Variants in LYN observed in about 807,000 individuals in gnomAD.
The protein encoded by LYN is tyrosine-protein kinase Lyn.
Under a neutral mutation model 65.0 loss-of-function variants are expected in LYN, and 12 were observed. The observed-to-expected ratio is 0.18, with a 90% CI of 0.12 to 0.30. The LOEUF (loss-of-function observed/expected upper bound fraction) is 0.30. Ranked by LOEUF, LYN falls within the 10% of genes least tolerant of loss-of-function variation. The pLI is 1.00. For synonymous variants in LYN, 222 were observed against 221.2 expected, an observed-to-expected ratio of 1.00 and a Z score of -0.03; for missense variants, 380 against 623.2, an observed-to-expected ratio of 0.61 and a Z score of 4.16.
Position 55,916,767 on chromosome 8 carries a change from A to C in LYN, c.-5-25088A>C, listed in dbSNP as rs146415366. Among the ~76,000 whole-genome samples, 97 of 152,306 alleles carry C rather than the reference A, an allele frequency of 6.4e-4. No individual in the cohort carries two copies. The Middle Eastern group carries it at 0.01, about 16-fold the overall frequency. ...ATGCCCAATACTGCAATGGCACCTT[A>C]GGCTGTGTGTGTGTCAGACAGAAAA... On this transcript the variant is annotated intron_variant, in intron 1 of 12. Coordinates refer to ENST00000519728, the MANE Select transcript of LYN (RefSeq NM_002350.4).
At chr8:55,948,118 C>T (rs546632874) in intron 4 of LYN, among the ~76,000 whole-genome samples, 1 of 152,254 alleles carries the variant, frequency 6.6e-6, no homozygotes, top group Non-Finnish European at 1.5e-5. Flanking sequence ...GGACTACAGG[C>T]ATGTGCCACC....
intron 8 of LYN, among the ~76,000 whole-genome samples, chr8:55,963,106 G>T (rs990137085): frequency 1.3e-5 from 2 of 152,230 alleles, no homozygotes; most frequent in African/African-American, 4.8e-5. Flanking sequence ...GAGATTTGGA[G>T]AGGACAAACA....
intron 1 of LYN, among the ~76,000 whole-genome samples, chr8:55,896,321 A>G (rs1178620603): frequency 6.6e-6 from 1 of 152,152 alleles, no homozygotes; most frequent in African/African-American, 2.4e-5. Flanking sequence ...AAAGAAACAA[A>G]AGCAAGTTTA....
At position 55,974,919 on chromosome 8, in the gene LYN, G is replaced by T. The variant is rs183241306; in HGVS notation, c.1050+5126G>T. Among the ~76,000 whole-genome samples, 219 of 152,162 alleles carry T rather than the reference G, an allele frequency of 1.4e-3. 1 individual carries two copies. The highest frequency in any genetic ancestry group is 5.0e-3 in the African/African-American group (206 of 41,510). ...GCCGCAGGTGATTGACATGGTTTGC[G>T]GTTTAACCAGGAGGCCAGATCCGCT... On this transcript the variant is annotated intron_variant, in intron 10 of 12. Transcript: ENST00000519728.
chr8:55,917,320 G>A (rs1362650323), intron 1 of LYN, among the ~76,000 whole-genome samples: 1 of 152,126 alleles, frequency 6.6e-6, no homozygotes, highest in Non-Finnish European at 1.5e-5. Flanking sequence ...CAAGTAGCTG[G>A]GACTACAGGC....
At chr8:55,944,941 A>G (rs1186873120) in intron 2 of LYN, among the ~76,000 whole-genome samples, 1 of 152,228 alleles carries the variant, frequency 6.6e-6, no homozygotes, top group Admixed American at 6.5e-5. Context: ...GAAGTCTTTC[A>G]ATTCCCTCCT....
intron 1 of LYN, among the ~76,000 whole-genome samples, chr8:55,886,134 A>G (rs1804785912): frequency 6.6e-6 from 1 of 152,212 alleles, no homozygotes; most frequent in African/African-American, 2.4e-5. Context: ...TTTAATGTTC[A>G]GGCTACATAA....
Position 55,900,775 on chromosome 8 carries a change from A to T in LYN, c.-6+20672A>T, listed in dbSNP as rs112353231. Among the ~76,000 whole-genome samples, 740 of 152,272 alleles carry T rather than the reference A, an allele frequency of 4.9e-3. 5 individuals carry two copies. The highest frequency in any genetic ancestry group is 0.017 in the African/African-American group (686 of 41,566). On this transcript the variant is annotated intron_variant, in intron 1 of 12. Coordinates refer to ENST00000519728, the MANE Select transcript of LYN (RefSeq NM_002350.4). Reference sequence around the variant, plus strand: ...AAACCTTCTCTTCAGTATGTATCTCATACTTTTCTTTTGCTAAATACTTAT... The same window carrying T: ...AAACCTTCTCTTCAGTATGTATCTCTTACTTTTCTTTTGCTAAATACTTAT...
intron 12 of LYN, among the ~76,000 whole-genome samples, chr8:56,006,681 A>C (rs1173288195): frequency 6.6e-6 from 1 of 152,194 alleles, no homozygotes; most frequent in Non-Finnish European, 1.5e-5. Context: ...CTCAGAGCTC[A>C]GTGCTAGTTC....
At chr8:55,892,688 A>G (rs561496441) in intron 1 of LYN, among the ~76,000 whole-genome samples, 1 of 152,240 alleles carries the variant, frequency 6.6e-6, no homozygotes, top group African/African-American at 2.4e-5. Context: ...GATTACGAGC[A>G]TGAGCCATTG....
chr8:55,996,382 T>G (rs1242933305), intron 10 of LYN, among the ~76,000 whole-genome samples: 14 of 152,198 alleles, frequency 9.2e-5, no homozygotes, highest in Admixed American at 9.2e-4. Flanking sequence ...AGGGATACTG[T>G]TGCAGATGAC....
chr8:56,002,098 T>C (rs1808528645), intron 12 of LYN, among the ~76,000 whole-genome samples: 1 of 152,110 alleles, frequency 6.6e-6, no homozygotes, highest in African/African-American at 2.4e-5. Flanking sequence ...CTGGCCAACA[T>C]GGCAAAACCC....
At chr8:55,891,127 C>T (rs572502608) in intron 1 of LYN, among the ~76,000 whole-genome samples, 14 of 151,892 alleles carry the variant, frequency 9.2e-5, no homozygotes, top group Admixed American at 3.9e-4. Flanking sequence ...CCAAGGTGGG[C>T]GGATCACCTG....
chr8:55,933,663 A>T (rs555119565), intron 1 of LYN, among the ~76,000 whole-genome samples: 3 of 152,024 alleles, frequency 2.0e-5, no homozygotes, highest in Admixed American at 6.6e-5. Flanking sequence ...TCAAGGCTGG[A>T]CTCCACAGAC....
rs1340094006 is a variant in LYN at position 55,959,574 on chromosome 8, T to C, written c.790+5590T>C. Among the ~76,000 whole-genome samples, 3 of 152,370 alleles carry C rather than the reference T, an allele frequency of 2.0e-5. No homozygotes were observed. The East Asian group carries it at 5.8e-4, about 29-fold the overall frequency. On this transcript the variant is annotated intron_variant, in intron 8 of 12. Transcript: ENST00000519728. Reference sequence around the variant, plus strand: ...AAAGAAATTGCCCAGGGTTTCCCACTAAATAGAAGTTGTTTGTATTTTTGC... The same window carrying C: ...AAAGAAATTGCCCAGGGTTTCCCACCAAATAGAAGTTGTTTGTATTTTTGC...
At chr8:55,911,190 C>CGTGTATATATATGTAT (rs1554576221) in intron 1 of LYN, among the ~76,000 whole-genome samples, 2 of 11,578 alleles carry the variant, frequency 1.7e-4, no homozygotes, top group Non-Finnish European at 4.8e-4. Context: ...TATATATATA[C>CGTGTATATATATGTAT]ACACACACAT....
At chr8:55,960,293 G>A (rs1807236158) in intron 8 of LYN, among the ~76,000 whole-genome samples, 1 of 152,044 alleles carries the variant, frequency 6.6e-6, no homozygotes, top group Admixed American at 6.5e-5. Context: ...ATCACTACCA[G>A]GATATTGGCA....
At chr8:55,989,158 G>A (rs1808169305) in intron 10 of LYN, among the ~76,000 whole-genome samples, 2 of 152,236 alleles carry the variant, frequency 1.3e-5, no homozygotes, top group African/African-American at 2.4e-5. Context: ...GGGTGGGAGA[G>A]AGCTTGCTGG....
chr8:55,885,735 T>C (rs1585560109), intron 1 of LYN, among the ~76,000 whole-genome samples: 1 of 152,274 alleles, frequency 6.6e-6, no homozygotes, highest in East Asian at 1.9e-4. Flanking sequence ...CACTTCTGCT[T>C]TCCAGGGGGA....
Sources: gnomAD v4.1 joint callset for allele counts (sites outside exome capture counted in the v4.1 genomes callset) on GRCh38, gnomAD v4.1.1 for gene constraint, MANE v1.5 for transcripts, NCBI Gene and HGNC (gene_info 2026-07-23, HGNC 2026-07-21) for gene names.